Variants in SLC60A1 observed in about 807,000 individuals in gnomAD.
SLC60A1 encodes solute carrier family 60 member 1.
chr1:205,600,177 C>T, the SLC60A1 span: 1 of 483,750 alleles, frequency 2.1e-6, no homozygotes, highest in Non-Finnish European at 3.7e-6. Flanking sequence ...TTAATGGGCT[C>T]CTTATTCATG....
At chr1:205,584,985 G>A in the SLC60A1 span, 1 of 1,613,566 alleles carries the variant, frequency 6.2e-7, no homozygotes, top group Non-Finnish European at 8.5e-7. Context: ...TGACGGATGG[G>A]TTGACGGTGA....
At chr1:205,588,098 C>A in the SLC60A1 span, among the ~76,000 whole-genome samples, 4 of 152,254 alleles carry the variant, frequency 2.6e-5, no homozygotes, top group Middle Eastern at 3.4e-3. Flanking sequence ...TTACATCATC[C>A]AGCAAGCTCA....
the SLC60A1 span, among the ~76,000 whole-genome samples, chr1:205,576,296 A>G: frequency 1.4e-4 from 22 of 152,192 alleles, no homozygotes; most frequent in Non-Finnish European, 5.9e-5. Context: ...TGGGGAAGCC[A>G]GGGCCAGCAG....
the SLC60A1 span, among the ~76,000 whole-genome samples, chr1:205,591,693 T>C: frequency 6.6e-6 from 1 of 152,072 alleles, no homozygotes; most frequent in Non-Finnish European, 1.5e-5. Flanking sequence ...GATGGCTTCC[T>C]GTCTGTGCAC....
chr1:205,580,732 C>T, the SLC60A1 span: 15 of 1,614,062 alleles, frequency 9.3e-6, no homozygotes, highest in African/African-American at 1.6e-4. The surrounding 1 kb of genome is among the most constrained non-coding windows in gnomAD (Gnocchi z 5.0). Context: ...TGTCTGAGGC[C>T]AACTGCTTGC....
At chr1:205,597,781 C>T in the SLC60A1 span, 2 of 1,613,772 alleles carry the variant, frequency 1.2e-6, no homozygotes, top group Non-Finnish European at 1.7e-6. Flanking sequence ...TTTTGTTAGG[C>T]TGTGCAACCA....
the SLC60A1 span, among the ~76,000 whole-genome samples, chr1:205,573,721 T>C: frequency 6.6e-6 from 1 of 152,118 alleles, no homozygotes; most frequent in African/African-American, 2.4e-5. Flanking sequence ...TTTTGAGACA[T>C]AGTCTTGTTC....
chr1:205,570,391 G>A, the SLC60A1 span, among the ~76,000 whole-genome samples: 1 of 151,764 alleles, frequency 6.6e-6, no homozygotes, highest in South Asian at 2.1e-4. Context: ...AGAAAAAACC[G>A]CAGTTGGGCT....
the SLC60A1 span, chr1:205,580,756 G>A: frequency 1.5e-5 from 24 of 1,613,906 alleles, no homozygotes; most frequent in African/African-American, 1.2e-4. This position sits in a 1 kb window ranked among gnomAD's most constrained non-coding sequence, Gnocchi z 5.0. Context: ...CCAATAGCAC[G>A]GCCAACACCA....
chr1:205,595,652 C>G, the SLC60A1 span, among the ~76,000 whole-genome samples: 1 of 152,352 alleles, frequency 6.6e-6, no homozygotes, highest in African/African-American at 2.4e-5. Context: ...TCACTTCCTT[C>G]CCCTCTCTGA....
chr1:205,596,905 C>T, the SLC60A1 span, among the ~76,000 whole-genome samples: 6,843 of 152,254 alleles, frequency 0.045, 255 homozygotes, highest in African/African-American at 0.1. Flanking sequence ...GCTCATCTTA[C>T]AGAGAAGGCA....
chr1:205,585,891 C>A, the SLC60A1 span: 1 of 922,970 alleles, frequency 1.1e-6, no homozygotes, highest in Non-Finnish European at 1.6e-6. The surrounding 1 kb of genome is among the most constrained non-coding windows in gnomAD (Gnocchi z 4.2). Flanking sequence ...GACTCCAAGC[C>A]CAGCCCTGGC....
the SLC60A1 span, chr1:205,579,719 C>T: frequency 6.2e-7 from 1 of 1,607,194 alleles, no homozygotes; most frequent in Non-Finnish European, 8.5e-7. Flanking sequence ...GCTTCCAGCC[C>T]CATCCCCTGA....
chr1:205,596,385 T>G, the SLC60A1 span, among the ~76,000 whole-genome samples: 1 of 151,456 alleles, frequency 6.6e-6, no homozygotes, highest in Non-Finnish European at 1.5e-5. Context: ...AACTAGGACC[T>G]AAAAGATCAA....
chr1:205,591,827 T>A, the SLC60A1 span, among the ~76,000 whole-genome samples: 6 of 152,200 alleles, frequency 3.9e-5, no homozygotes, highest in Non-Finnish European at 7.3e-5. Flanking sequence ...CGGTTACAGA[T>A]AAGACCTTGG....
chr1:205,584,762 G>A, the SLC60A1 span: 8 of 870,968 alleles, frequency 9.2e-6, no homozygotes, highest in African/African-American at 9.9e-5. Context: ...AGTAGAGGCA[G>A]TAAGTGGGCC....
At chr1:205,591,746 CAG>C in the SLC60A1 span, among the ~76,000 whole-genome samples, 5 of 152,276 alleles carry the variant, frequency 3.3e-5, no homozygotes, top group Admixed American at 2.6e-4. Flanking sequence ...CACAAAGAAA[CAG>C]AGACTCTCCT....
the SLC60A1 span, among the ~76,000 whole-genome samples, chr1:205,576,780 A>G: frequency 3.9e-5 from 6 of 152,268 alleles, no homozygotes; most frequent in Admixed American, 3.3e-4. Context: ...GCACAGCCCT[A>G]TGGAAGCAAC....
the SLC60A1 span, among the ~76,000 whole-genome samples, chr1:205,576,517 G>A: frequency 4.6e-5 from 7 of 152,204 alleles, no homozygotes; most frequent in East Asian, 1.9e-4. Context: ...CTGGGAAGTG[G>A]CCAAGGTGGG....
Sources: gnomAD v4.1 joint callset for allele counts (sites outside exome capture counted in the v4.1 genomes callset) on GRCh38, gnomAD v4.1.1 for gene constraint, Gnocchi (gnomAD v3.1) non-coding constraint, MANE v1.5 for transcripts, NCBI Gene and HGNC (gene_info 2026-07-23, HGNC 2026-07-21) for gene names.